DNER: variants seen among roughly 807,000 people sequenced by gnomAD.
The protein encoded by DNER is delta/notch like EGF repeat containing.
DNER carries 33 observed loss-of-function variants against 78.2 expected under a neutral mutation model. The observed-to-expected ratio is 0.42, with a 90% CI of 0.32 to 0.56. DNER has a LOEUF of 0.56. DNER is among the 20% of genes least tolerant of loss of function. The probability of loss-of-function intolerance (pLI) is 0.11; values close to 1 mark genes in which losing one functional copy is unlikely to be tolerated. For missense variants in DNER, 918 were observed against 975.3 expected (o/e 0.94, Z 0.78); for synonymous variants, 417 against 384.8 (o/e 1.08, Z -0.98).
intron 5 of DNER, among the ~76,000 whole-genome samples, chr2:229,539,624 A>G (rs1335064853): frequency 2.0e-5 from 3 of 152,200 alleles, no homozygotes; most frequent in African/African-American, 4.8e-5. Flanking sequence ...CTGGATTCCT[A>G]TCTTATTTCC....
chr2:229,501,295 A>G (rs1695616279), intron 6 of DNER, among the ~76,000 whole-genome samples: 1 of 151,976 alleles, frequency 6.6e-6, no homozygotes, highest in Non-Finnish European at 1.5e-5. Context: ...GTGGATTTTA[A>G]GTGTTCTCAC....
intron 5 of DNER, among the ~76,000 whole-genome samples, chr2:229,535,730 G>A (rs760497272): frequency 4.0e-5 from 6 of 151,650 alleles, no homozygotes; most frequent in African/African-American, 9.7e-5. Flanking sequence ...TGTAAACTTC[G>A]CCTCCCGGGT....
intron 6 of DNER, among the ~76,000 whole-genome samples, chr2:229,506,995 C>A (rs1455412194): frequency 1.3e-5 from 2 of 152,136 alleles, no homozygotes; most frequent in African/African-American, 4.8e-5. Flanking sequence ...TACTACACAC[C>A]TAGGCTATAC....
intron 1 of DNER, among the ~76,000 whole-genome samples, chr2:229,643,442 A>C (rs1698662616): frequency 6.6e-6 from 1 of 152,214 alleles, no homozygotes; most frequent in Non-Finnish European, 1.5e-5. Context: ...GATTTCATTG[A>C]TTAGCAGGAT....
At chr2:229,385,398 T>C (rs1240562011) in intron 11 of DNER, among the ~76,000 whole-genome samples, 1 of 152,178 alleles carries the variant, frequency 6.6e-6, no homozygotes, top group Non-Finnish European at 1.5e-5. Flanking sequence ...AGCATTCCTT[T>C]TGAAAACTGG....
At chr2:229,571,118 G>T (rs1697211624) in intron 4 of DNER, among the ~76,000 whole-genome samples, 1 of 152,168 alleles carries the variant, frequency 6.6e-6, no homozygotes, top group Non-Finnish European at 1.5e-5. Flanking sequence ...GTTGGGCCAT[G>T]CTAGTAGCCG....
intron 1 of DNER, among the ~76,000 whole-genome samples, chr2:229,603,493 G>C (rs114250880): frequency 0.031 from 4,657 of 152,220 alleles, 215 homozygotes; most frequent in African/African-American, 0.097. Context: ...CCATGAAAAA[G>C]AAAGAACTAT....
At chr2:229,439,056 T>C (rs1380373444) in intron 8 of DNER, among the ~76,000 whole-genome samples, 2 of 152,152 alleles carry the variant, frequency 1.3e-5, no homozygotes, top group Non-Finnish European at 2.9e-5. Flanking sequence ...TGGGTCCCAC[T>C]TCATAAGGAC....
At chr2:229,443,116 A>G (rs1209876937) in intron 8 of DNER, among the ~76,000 whole-genome samples, 4 of 152,132 alleles carry the variant, frequency 2.6e-5, no homozygotes, top group Non-Finnish European at 5.9e-5. Flanking sequence ...TTATAAACAT[A>G]TTTCCACGTA....
At chr2:229,650,541 C>A (rs963721835) in intron 1 of DNER, among the ~76,000 whole-genome samples, 5 of 152,206 alleles carry the variant, frequency 3.3e-5, no homozygotes, top group Non-Finnish European at 7.3e-5. Context: ...ACTTCCAATA[C>A]CAAATTTTCA....
At chr2:229,554,939 GAA>G (rs1696828940) in intron 4 of DNER, among the ~76,000 whole-genome samples, 50 of 44,804 alleles carry the variant, frequency 1.1e-3, no homozygotes, top group Admixed American at 2.7e-3. Context: ...AGAGAAGAGA[GAA>G]AAGGGAAGGG....
intron 1 of DNER, among the ~76,000 whole-genome samples, chr2:229,616,359 C>T (rs1698162396): frequency 6.9e-6 from 1 of 144,234 alleles, no homozygotes; most frequent in South Asian, 2.1e-4. Context: ...TTACTTATTA[C>T]TGATTTTTTT....
chr2:229,526,046 T>C (rs1180411439), intron 5 of DNER, among the ~76,000 whole-genome samples: 1 of 152,198 alleles, frequency 6.6e-6, no homozygotes, highest in Non-Finnish European at 1.5e-5. Flanking sequence ...AATAAATGTG[T>C]TTCTCCAGAT....
chr2:229,421,723 T>C (rs1693770453), intron 8 of DNER, among the ~76,000 whole-genome samples: 1 of 151,270 alleles, frequency 6.6e-6, no homozygotes, highest in Non-Finnish European at 1.5e-5. Flanking sequence ...AAGAGTTAAG[T>C]GTCTTTTGCT....
Position 229,591,384 on chromosome 2 carries a change from T to G in DNER, c.585+196A>C, listed in dbSNP as rs1697603684. ...CCATTCCAAAAAATAATTTGATTCATTTTTTTGTTTACTCTTTTTATACTT... is the reference window on the plus strand; with the variant it reads ...CCATTCCAAAAAATAATTTGATTCAGTTTTTTGTTTACTCTTTTTATACTT... On this transcript the variant is annotated intron_variant, in intron 2 of 12. Transcript: ENST00000341772. This position sits in a 1 kb window ranked among gnomAD's most constrained non-coding sequence, Gnocchi z 4.6. 6.6e-6 allele frequency among the ~76,000 whole-genome samples: 1 copy of G among 152,234 alleles called. No individual in the cohort carries two copies. Among genetic ancestry groups the G allele is most frequent in the Admixed American group, 6.5e-5 (1 of 15,290 alleles).
intron 1 of DNER, among the ~76,000 whole-genome samples, chr2:229,677,669 G>T (rs1699319376): frequency 6.6e-6 from 1 of 152,164 alleles, no homozygotes; most frequent in Admixed American, 6.5e-5. Flanking sequence ...TCAAAGAAAA[G>T]GTTCTATGAA....
At chr2:229,703,804 G>A (rs1351938402) in intron 1 of DNER, among the ~76,000 whole-genome samples, 2 of 152,050 alleles carry the variant, frequency 1.3e-5, no homozygotes, top group African/African-American at 4.8e-5. Flanking sequence ...TTGAGCCTGG[G>A]AGGCGGAGGT....
At chr2:229,502,040 G>A (rs772225131) in intron 6 of DNER, among the ~76,000 whole-genome samples, 17 of 152,128 alleles carry the variant, frequency 1.1e-4, no homozygotes, top group Non-Finnish European at 2.1e-4. Flanking sequence ...TAAGAGTAAC[G>A]GAAGAACTAA....
chr2:229,593,523 A>AT (rs1697647400), intron 1 of DNER, among the ~76,000 whole-genome samples: 1 of 152,158 alleles, frequency 6.6e-6, no homozygotes, highest in Admixed American at 6.5e-5. Context: ...GAATTCAGGT[A>AT]TTTTATCTAC....
Sources: gnomAD v4.1 joint callset for allele counts (sites outside exome capture counted in the v4.1 genomes callset) on GRCh38, gnomAD v4.1.1 for gene constraint, Gnocchi (gnomAD v3.1) non-coding constraint, MANE v1.5 for transcripts, NCBI Gene and HGNC (gene_info 2026-07-23, HGNC 2026-07-21) for gene names.